Variants in CLPTM1 observed in about 807,000 individuals in gnomAD.
CLPTM1 encodes CLPTM1 regulator of GABA type A receptor forward trafficking, also known as putative lipid scramblase CLPTM1.
A neutral mutation model predicts 77.3 loss-of-function variants in CLPTM1; 21 were observed. That is an observed-to-expected ratio of 0.27 (90% confidence interval 0.19 to 0.39). The LOEUF (loss-of-function observed/expected upper bound fraction) is 0.39, where lower values mean the gene tolerates loss of function less well. Among genes scored for constraint, CLPTM1 ranks in the 10% least tolerant of loss-of-function variants. The pLI, the probability that CLPTM1 is intolerant of heterozygous loss-of-function variation, is 1.00. For synonymous variants in CLPTM1, 373 were observed against 381.0 expected, an observed-to-expected ratio of 0.98 and a Z score of 0.24; for missense variants, 642 against 921.2, an observed-to-expected ratio of 0.70 and a Z score of 3.92.
At chr19:44,977,783 CT>C (rs1970829308) in intron 5 of CLPTM1, among the ~76,000 whole-genome samples, 1 of 152,126 alleles carries the variant, frequency 6.6e-6, no homozygotes, top group Non-Finnish European at 1.5e-5. Context: ...CCAGGGTTGA[CT>C]TTTGCACAGT....
In CLPTM1 at chr19:44,991,017, G is replaced by A. The variant is rs1971065988; in HGVS notation, c.1419+72G>A. 3.6e-6 allele frequency: 5 copies of A among 1,373,926 alleles called. No individual in the cohort carries two copies. The highest frequency in any genetic ancestry group is 1.4e-5 in the African/African-American group (1 of 69,740). 85.1% of individuals were successfully genotyped at this position (1,373,926 alleles called of 1,614,324 possible). A position where few individuals can be genotyped will look rare whatever the true frequency, so the allele number is the denominator to read the frequency against. On this transcript the variant is annotated intron_variant, in intron 11 of 13. Coordinates refer to ENST00000337392, the MANE Select transcript of CLPTM1 (RefSeq NM_001294.4). The surrounding 1 kb of genome is among the most constrained non-coding windows in gnomAD (Gnocchi z 5.4). Reference sequence around the variant, plus strand: ...ACGTATCCCTGAGGCACCCGGGGCCGGCCATCTGTCTGCCGGACCCATGCT... The same window carrying A: ...ACGTATCCCTGAGGCACCCGGGGCCAGCCATCTGTCTGCCGGACCCATGCT...
rs753044828 is a variant in CLPTM1 at position 44,992,201 on chromosome 19, C to A, written c.1556-32C>A. The A allele has an allele frequency of 1.9e-6, 3 of 1,611,666 alleles. No individual in the cohort carries two copies. On this transcript the variant is annotated intron_variant, in intron 12 of 13. Coordinates refer to ENST00000337392, the MANE Select transcript of CLPTM1 (RefSeq NM_001294.4). The surrounding 1 kb of genome is among the most constrained non-coding windows in gnomAD (Gnocchi z 7.7). ...TGCACAGGGGAGAGGTGGGAGAGGC[C>A]ATCCCTCTGCTCATGGGTGCTCTCA... is the stretch of plus-strand genomic sequence containing the variant.
rs1358007936 is a variant in CLPTM1, at chr19:44,990,713, A to T, written c.1323+128A>T. Reference sequence around the variant, plus strand: ...GTGCCTCACTCCCAGGACTGAGGGGATTTTCTCACCAGGGGATTTTTTGGG... The same window carrying T: ...GTGCCTCACTCCCAGGACTGAGGGGTTTTTCTCACCAGGGGATTTTTTGGG... On this transcript the variant is annotated intron_variant, in intron 10 of 13. Coordinates refer to ENST00000337392, the MANE Select transcript of CLPTM1 (RefSeq NM_001294.4). The surrounding 1 kb of genome is among the most constrained non-coding windows in gnomAD (Gnocchi z 4.8). The T allele has an allele frequency of 7.5e-6, 10 of 1,325,890 alleles. No homozygotes were observed. Among genetic ancestry groups the T allele is most frequent in the Non-Finnish European group, 1.1e-6 (1 of 946,462 alleles). The allele number at this position is 1,325,890 out of a possible 1,614,324, so 82.1% of individuals were successfully genotyped here.
At chr19:44,973,761 G>GTTTTTTTTTTT (rs71173113) in intron 3 of CLPTM1, among the ~76,000 whole-genome samples, 16 of 62,436 alleles carry the variant, frequency 2.6e-4, no homozygotes, top group African/African-American at 5.3e-4. Context: ...GTCACAGTGG[G>GTTTTTTTTTTT]TTTTTTTTTT....
chr19:44,962,004 G>A lies in CLPTM1; in HGVS notation c.114G>A (p.Glu38=). 6.2e-7 allele frequency: 1 copy of A among 1,610,728 alleles called. No homozygotes were observed. The change falls in exon 2 of 14, where the codon GAG becomes GAA. Residue 38 remains glutamate, a synonymous_variant. Transcript: ENST00000337392. ...NGSIGRDPPA[E]TQPQNPPAQP... The stretch of plus-strand genomic sequence containing the variant: ...GCATCGGGAGGGACCCGCCAGCGGA[G>A]ACCCAGCCTCAGAACCCACCGGCCC...
Position 44,957,625 on chromosome 19 carries a change from G to A in CLPTM1, c.72+2158G>A, listed in dbSNP as rs547137102. Among the ~76,000 whole-genome samples, 22 of 152,332 alleles carry A rather than the reference G, an allele frequency of 1.4e-4. No individual in the cohort carries two copies. The East Asian group carries it at 2.9e-3, about 20-fold the overall frequency. ...CCTTTAGCAGATGTTGCTGGGGATT[G>A]TGTGTGTGCGTGGACGTGCAGATCC... On this transcript the variant is annotated intron_variant, in intron 1 of 13. Coordinates refer to ENST00000337392, the MANE Select transcript of CLPTM1 (RefSeq NM_001294.4).
chr19:44,978,925 C>T (rs1013780038), intron 5 of CLPTM1, among the ~76,000 whole-genome samples: 2 of 151,480 alleles, frequency 1.3e-5, no homozygotes, highest in Non-Finnish European at 2.9e-5. Context: ...TAGCATTGTC[C>T]GTCCTCTTGT....
At position 44,974,430 on chromosome 19, in the gene CLPTM1, TC is replaced by T. The variant is rs1316161780; in HGVS notation, c.310-6del. ...AGGCCTGAGCTCTGTTCCCTTCCTG[TC>T]CCAACAGAACCTGCATGTGTACATC... is the stretch of plus-strand genomic sequence containing the variant. On this transcript the variant is annotated splice_region_variant and splice_polypyrimidine_tract_variant and intron_variant, in intron 3 of 13. Coordinates refer to ENST00000337392, the MANE Select transcript of CLPTM1 (RefSeq NM_001294.4). The T allele has an allele frequency of 6.2e-7, 1 of 1,609,444 alleles. No individual in the cohort carries two copies. The highest frequency in any genetic ancestry group is 8.5e-7 in the Non-Finnish European group (1 of 1,176,330).
rs750359204 is a variant in CLPTM1, at chr19:44,990,594, G to A, written c.1323+9G>A. 18 of 1,611,970 alleles carry A rather than the reference G, an allele frequency of 1.1e-5. No homozygotes were observed. The South Asian group carries it at 1.5e-4, about 14-fold the overall frequency. On this transcript the variant is annotated intron_variant, in intron 10 of 13. Transcript: ENST00000337392. This position sits in a 1 kb window ranked among gnomAD's most constrained non-coding sequence, Gnocchi z 4.8. ...AGGTCATGGACGTCCGGGTAAGGCT[G>A]GGGCGCCATGCTGTCTCGGGAGCTG...
intron 2 of CLPTM1, among the ~76,000 whole-genome samples, chr19:44,967,396 C>T (rs574142882): frequency 1.9e-4 from 29 of 152,098 alleles, no homozygotes; most frequent in African/African-American, 7.0e-4. Context: ...CAGTGGCTCA[C>T]GCCTGTAATC....
At position 44,986,467 on chromosome 19, in the gene CLPTM1, T is replaced by C. The variant is rs999084779; in HGVS notation, c.685T>C (p.Tyr229His). The change falls in exon 7 of 14, where the codon TAT (tyrosine) becomes CAT (histidine). Residue 229 changes from tyrosine to histidine, a missense_variant. Physicochemically the swap from Tyr to His is moderately conservative, Grantham distance 83. Transcript: ENST00000337392. ...CATGTTGCCTCAGAGGGCTGAGGAC[T>C]ATGGGCCTGTGGAGGTGATCTCCCA... is the stretch of plus-strand genomic sequence containing the variant. ...DPEMIKRAED[Y>H]GPVEVISHWH... 6.2e-7 allele frequency: 1 copy of C among 1,613,982 alleles called. No homozygotes were observed. The highest frequency in any genetic ancestry group is 1.3e-5 in the African/African-American group (1 of 74,930).
At chr19:44,955,340 G>A, upstream of CLPTM1, 3 of 1,354,304 alleles carry the variant, frequency 2.2e-6, no homozygotes, top group Non-Finnish European at 2.8e-6. Flanking sequence ...CGATTGCGCT[G>A]CGAAGTCGGG....
At chr19:44,955,814 C>T in intron 1 of CLPTM1, 2 of 252,748 alleles carry the variant, frequency 7.9e-6, no homozygotes, top group Non-Finnish European at 1.5e-5. Context: ...AGTGGTCTGG[C>T]GTTCAGGTCT....
rs527966108 is a variant in CLPTM1, at chr19:44,955,694, C to T, written c.72+227C>T. ...CCTGCACGCTCGAGCCGGGCGGCCA[C>T]CAGGCTCATTGCTCGATCCGGGGAG... On this transcript the variant is annotated intron_variant, in intron 1 of 13. Coordinates refer to ENST00000337392, the MANE Select transcript of CLPTM1 (RefSeq NM_001294.4). 3,559 of 397,806 alleles carry T rather than the reference C, an allele frequency of 8.9e-3. 45 individuals carry two copies. The highest frequency in any genetic ancestry group is 0.012 in the Non-Finnish European group (2,719 of 229,136). The allele number at this position is 397,806 out of a possible 1,614,324, so 24.6% of individuals were successfully genotyped here.
chr19:44,957,452 T>A (rs1970481796), intron 1 of CLPTM1, among the ~76,000 whole-genome samples: 1 of 152,240 alleles, frequency 6.6e-6, no homozygotes, highest in Non-Finnish European at 1.5e-5. Flanking sequence ...TCAGTGTTTG[T>A]GGAATGAGCG....
chr19:44,990,059 A>C lies in CLPTM1; in HGVS notation c.1133-336A>C, dbSNP rs180973494. The C allele has an allele frequency of 1.2e-4, 35 of 291,894 alleles. No homozygotes were observed. Among genetic ancestry groups the C allele is most frequent in the African/African-American group, 6.3e-4 (29 of 46,310 alleles). The allele number at this position is 291,894 out of a possible 1,614,324, so 18.1% of individuals were successfully genotyped here. A position where few individuals can be genotyped will look rare whatever the true frequency, so the allele number is the denominator to read the frequency against. ...CATGCCAGGCTGTTTGGCCTCAGGG[A>C]AGCAGCTTCCCTGACCAGTCCTTAG... On this transcript the variant is annotated intron_variant, in intron 9 of 13. Transcript: ENST00000337392. The surrounding 1 kb of genome is among the most constrained non-coding windows in gnomAD (Gnocchi z 4.8).
chr19:44,987,469 C>CGCAA, intron 8 of CLPTM1, 46 bp downstream of exon 8: 1 of 1,603,624 alleles, frequency 6.2e-7, no homozygotes, highest in Non-Finnish European at 8.5e-7. Flanking sequence ...CCTTCCTGGG[C>CGCAA]GCAAGAGGCC....
At chr19:44,968,641 G>A (rs985099399) in intron 2 of CLPTM1, among the ~76,000 whole-genome samples, 4 of 151,812 alleles carry the variant, frequency 2.6e-5, no homozygotes, top group Non-Finnish European at 4.4e-5. Context: ...CACACAGGAC[G>A]TTCTTCAGGG....
intron 1 of CLPTM1, among the ~76,000 whole-genome samples, chr19:44,960,309 T>C (rs114081103): frequency 0.013 from 1,926 of 152,306 alleles, 38 homozygotes; most frequent in African/African-American, 0.041. Context: ...TTGTTTTCCA[T>C]GTACCATTTT....
Sources: gnomAD v4.1 joint callset for allele counts (sites outside exome capture counted in the v4.1 genomes callset) on GRCh38, gnomAD v4.1.1 for gene constraint, Gnocchi (gnomAD v3.1) non-coding constraint, MANE v1.5 for transcripts, NCBI Gene and HGNC (gene_info 2026-07-23, HGNC 2026-07-21) for gene names.